OPCML: variants seen among roughly 807,000 people sequenced by gnomAD.
OPCML encodes the protein opioid binding protein/cell adhesion molecule like, also known as opioid-binding protein/cell adhesion molecule.
In OPCML, 13 loss-of-function variants were observed where a neutral mutation model predicts 37.8. That is an observed-to-expected ratio of 0.34 (90% CI 0.22 to 0.55). The LOEUF (loss-of-function observed/expected upper bound fraction) is 0.55, where lower values mean the gene tolerates loss of function less well. OPCML is among the 20% of genes least tolerant of loss of function. The pLI, the probability that OPCML is intolerant of heterozygous loss-of-function variation, is 0.91. For missense variants in OPCML, 341 were observed against 435.6 expected (o/e 0.78, Z 1.93); for synonymous variants, 176 against 168.8 (o/e 1.04, Z -0.33).
At chr11:133,201,870 C>T (rs915548412) in intron 1 of OPCML, among the ~76,000 whole-genome samples, 5 of 152,158 alleles carry the variant, frequency 3.3e-5, no homozygotes, top group Admixed American at 6.5e-5. Context: ...TACCTCCTAA[C>T]TTTTTAGGTC....
chr11:133,072,126 T>G (rs773886257), intron 1 of OPCML, among the ~76,000 whole-genome samples: 14 of 152,168 alleles, frequency 9.2e-5, no homozygotes, highest in Non-Finnish European at 1.3e-4. Flanking sequence ...GAGGGTGGGA[T>G]GGGGAGAGAC....
chr11:132,614,926 G>C (rs983029561), intron 3 of OPCML, among the ~76,000 whole-genome samples: 1 of 152,170 alleles, frequency 6.6e-6, no homozygotes, highest in Non-Finnish European at 1.5e-5. Context: ...TTTTGCCACT[G>C]TACTGCCTGA....
intron 2 of OPCML, among the ~76,000 whole-genome samples, chr11:132,825,099 A>T (rs1025616858): frequency 1.8e-4 from 28 of 152,254 alleles, no homozygotes; most frequent in African/African-American, 6.5e-4. Flanking sequence ...TTATCTACAT[A>T]TTTGATTATT....
intron 1 of OPCML, among the ~76,000 whole-genome samples, chr11:133,304,899 C>T (rs950234202): frequency 2.0e-5 from 3 of 152,084 alleles, no homozygotes; most frequent in African/African-American, 7.2e-5. Context: ...AATTCATTCA[C>T]AACAATTTGC....
At chr11:133,529,021 C>T (rs1052732865) in intron 1 of OPCML, among the ~76,000 whole-genome samples, 1 of 152,240 alleles carries the variant, frequency 6.6e-6, no homozygotes, top group Non-Finnish European at 1.5e-5. Context: ...GCAATGACAA[C>T]ATCTTCTTGC....
intron 1 of OPCML, among the ~76,000 whole-genome samples, chr11:133,327,535 C>G (rs1462797829): frequency 6.6e-6 from 1 of 152,024 alleles, no homozygotes; most frequent in Non-Finnish European, 1.5e-5. Context: ...AGATCTCAAG[C>G]TTCGATAAAT....
chr11:133,407,138 C>A (rs1945543583), intron 1 of OPCML, among the ~76,000 whole-genome samples: 1 of 152,148 alleles, frequency 6.6e-6, no homozygotes, highest in African/African-American at 2.4e-5. Flanking sequence ...TCAAAATAAT[C>A]CAAACATGTC....
intron 3 of OPCML, among the ~76,000 whole-genome samples, chr11:132,564,852 A>T (rs1286389764): frequency 6.6e-6 from 1 of 152,204 alleles, no homozygotes; most frequent in African/African-American, 2.4e-5. Flanking sequence ...TAGACAGAAA[A>T]CATGTAAATC....
intron 2 of OPCML, among the ~76,000 whole-genome samples, chr11:132,918,587 C>T (rs977622344): frequency 6.6e-6 from 1 of 152,134 alleles, no homozygotes; most frequent in African/African-American, 2.4e-5. Context: ...CAGTTTATCA[C>T]ACTTTATGAT....
chr11:132,529,007 A>G, intron 4 of OPCML, 54 bp downstream of exon 4: 8 of 1,114,100 alleles, frequency 7.2e-6, no homozygotes, highest in Non-Finnish European at 1.1e-5. Context: ...TGTGCATAAG[A>G]GCCAAGACTT....
intron 1 of OPCML, among the ~76,000 whole-genome samples, chr11:133,058,745 CT>C (rs1040250118): frequency 7.2e-5 from 11 of 152,220 alleles, no homozygotes; most frequent in African/African-American, 2.7e-4. Context: ...CTCATTTACA[CT>C]TTTTGCCCAG....
At chr11:132,596,452 T>G (rs1447775406) in intron 3 of OPCML, among the ~76,000 whole-genome samples, 1 of 152,170 alleles carries the variant, frequency 6.6e-6, no homozygotes, top group Non-Finnish European at 1.5e-5. Flanking sequence ...ATCTCTTAAT[T>G]TTTTTGTTGG....
intron 1 of OPCML, among the ~76,000 whole-genome samples, chr11:133,478,561 T>C (rs1947296305): frequency 6.6e-6 from 1 of 152,186 alleles, no homozygotes; most frequent in Non-Finnish European, 1.5e-5. Flanking sequence ...TCATTGTATA[T>C]TGCAAATTGA....
chr11:132,946,313 A>G (rs1020432927), intron 1 of OPCML, among the ~76,000 whole-genome samples: 3 of 152,232 alleles, frequency 2.0e-5, no homozygotes, highest in Non-Finnish European at 4.4e-5. Context: ...TCACCTTTTT[A>G]AAATAAGTAG....
chr11:132,776,576 T>C (rs902265898), intron 2 of OPCML, among the ~76,000 whole-genome samples: 8 of 151,836 alleles, frequency 5.3e-5, no homozygotes, highest in Non-Finnish European at 1.2e-4. Context: ...CTTCCCCCTC[T>C]CTCTCTCTCG....
intron 1 of OPCML, among the ~76,000 whole-genome samples, chr11:133,223,404 G>C (rs1487286332): frequency 6.6e-6 from 1 of 152,212 alleles, no homozygotes; most frequent in Non-Finnish European, 1.5e-5. Context: ...CTAAGCAGGT[G>C]CCGTGTTTTG....
chr11:133,103,488 C>A (rs1394383139), intron 1 of OPCML, among the ~76,000 whole-genome samples: 1 of 152,134 alleles, frequency 6.6e-6, no homozygotes, highest in Non-Finnish European at 1.5e-5. Context: ...GGGGATCAAA[C>A]AACGAGGGCC....
intron 2 of OPCML, among the ~76,000 whole-genome samples, chr11:132,746,003 C>T (rs138310678): frequency 1.0e-3 from 157 of 152,260 alleles, no homozygotes; most frequent in African/African-American, 3.7e-3. Context: ...TCCCTGGGGA[C>T]AGCTGGACAG....
intron 1 of OPCML, among the ~76,000 whole-genome samples, chr11:133,434,396 G>A (rs1946188699): frequency 6.6e-6 from 1 of 152,016 alleles, no homozygotes; most frequent in South Asian, 2.1e-4. Flanking sequence ...TTGAGTATTT[G>A]TCACTTTCTC....
Sources: gnomAD v4.1 joint callset for allele counts (sites outside exome capture counted in the v4.1 genomes callset) on GRCh38, gnomAD v4.1.1 for gene constraint, MANE v1.5 for transcripts, NCBI Gene and HGNC (gene_info 2026-07-23, HGNC 2026-07-21) for gene names.